The following FHIT variants were observed in gnomAD, a reference collection of about 807,000 sequenced individuals.
FHIT encodes the protein bis(5'-adenosyl)-triphosphatase.
In FHIT, 19 loss-of-function variants were observed where a neutral mutation model predicts 17.9. That is an observed-to-expected ratio of 1.06 (90% confidence interval 0.74 to 1.56). FHIT has a LOEUF of 1.56. Ranked by LOEUF, FHIT falls within the 40% of genes most tolerant of loss-of-function variation. The pLI is 0.00. For missense variants in FHIT, 248 were observed against 189.2 expected (o/e 1.31, Z -1.82); for synonymous variants, 81 against 69.7 (o/e 1.16, Z -0.81).
At chr3:61,015,616 C>T (rs926355298) in intron 3 of FHIT, among the ~76,000 whole-genome samples, 5 of 152,098 alleles carry the variant, frequency 3.3e-5, no homozygotes, top group Admixed American at 2.0e-4. Context: ...TTCAGATTAG[C>T]AATTTTATGC....
intron 4 of FHIT, among the ~76,000 whole-genome samples, chr3:60,722,704 A>C (rs2041833864): frequency 6.7e-6 from 1 of 148,432 alleles, no homozygotes. Flanking sequence ...TGTTACCTTA[A>C]ATCTTTTTTT....
chr3:60,073,055 C>T (rs558728098), intron 5 of FHIT, among the ~76,000 whole-genome samples: 1 of 152,188 alleles, frequency 6.6e-6, no homozygotes, highest in African/African-American at 2.4e-5. Context: ...AAGTTTGAAA[C>T]TAGGTCTTCT....
At chr3:60,108,136 C>T (rs914951266) in intron 5 of FHIT, among the ~76,000 whole-genome samples, 3 of 152,142 alleles carry the variant, frequency 2.0e-5, no homozygotes, top group East Asian at 1.9e-4. Context: ...TTGACTTTGA[C>T]CGTATGTGTC....
intron 5 of FHIT, among the ~76,000 whole-genome samples, chr3:60,065,741 T>C (rs1485589218): frequency 6.6e-6 from 1 of 152,160 alleles, no homozygotes; most frequent in Non-Finnish European, 1.5e-5. Flanking sequence ...CATTGCTCAT[T>C]CCTAACACCT....
At chr3:60,642,400 A>T in intron 4 of FHIT, among the ~76,000 whole-genome samples, 1 of 152,208 alleles carries the variant, frequency 6.6e-6, no homozygotes, top group East Asian at 1.9e-4. Context: ...GCAGATCCTT[A>T]ATTTAAATGG....
intron 3 of FHIT, among the ~76,000 whole-genome samples, chr3:60,880,588 T>TG (rs1704918727): frequency 6.6e-6 from 1 of 152,186 alleles, no homozygotes; most frequent in Non-Finnish European, 1.5e-5. Flanking sequence ...CAAAATTAGC[T>TG]GGGTGTGGTG....
At chr3:60,795,646 T>C (rs1700955084) in intron 4 of FHIT, among the ~76,000 whole-genome samples, 1 of 152,106 alleles carries the variant, frequency 6.6e-6, no homozygotes, top group East Asian at 1.9e-4. Flanking sequence ...TCTTGAGTAG[T>C]TGGGACTACT....
chr3:61,199,243 G>C (rs2038944961), intron 2 of FHIT, among the ~76,000 whole-genome samples: 1 of 152,144 alleles, frequency 6.6e-6, no homozygotes, highest in African/African-American at 2.4e-5. Context: ...CATTCCCCAA[G>C]AGGAAAGGAA....
intron 4 of FHIT, among the ~76,000 whole-genome samples, chr3:60,777,562 G>A (rs1700250251): frequency 6.6e-6 from 1 of 152,286 alleles, no homozygotes; most frequent in Non-Finnish European, 1.5e-5. Flanking sequence ...AGGGTGCCTG[G>A]CTCTTAGTTG....
intron 7 of FHIT, among the ~76,000 whole-genome samples, chr3:59,933,583 T>G (rs755576244): frequency 6.6e-6 from 1 of 152,118 alleles, no homozygotes; most frequent in East Asian, 1.9e-4. Context: ...TGATAGGATG[T>G]CAAGCGTAAT....
At chr3:60,918,752 A>C (rs1352372125) in intron 3 of FHIT, among the ~76,000 whole-genome samples, 1 of 152,222 alleles carries the variant, frequency 6.6e-6, no homozygotes, top group Non-Finnish European at 1.5e-5. Context: ...GACAAACCAA[A>C]GAATAATAAA....
At chr3:60,837,530 G>A (rs1417958636) in intron 3 of FHIT, among the ~76,000 whole-genome samples, 2 of 151,848 alleles carry the variant, frequency 1.3e-5, no homozygotes, top group Admixed American at 6.6e-5. Context: ...AATATAGTTG[G>A]GTCATATTTT....
intron 5 of FHIT, among the ~76,000 whole-genome samples, chr3:60,304,810 CTT>C (rs1310700882): frequency 1.3e-5 from 2 of 152,086 alleles, no homozygotes; most frequent in Non-Finnish European, 2.9e-5. Flanking sequence ...CAGTATCTAA[CTT>C]TATTAAGCAA....
At chr3:60,366,185 C>T (rs556938136) in intron 5 of FHIT, among the ~76,000 whole-genome samples, 27 of 152,264 alleles carry the variant, frequency 1.8e-4, no homozygotes, top group East Asian at 5.8e-4. Flanking sequence ...TCAGTCCCTC[C>T]GCCTTTTTGA....
intron 7 of FHIT, among the ~76,000 whole-genome samples, chr3:59,931,625 T>C (rs980990034): frequency 7.2e-5 from 11 of 151,954 alleles, no homozygotes; most frequent in South Asian, 2.1e-4. Context: ...GTTCAAAGTG[T>C]CCCAATCAAG....
At chr3:60,714,213 G>T (rs1401218819) in intron 4 of FHIT, among the ~76,000 whole-genome samples, 2 of 152,048 alleles carry the variant, frequency 1.3e-5, no homozygotes, top group Non-Finnish European at 2.9e-5. Context: ...TGCAGAAAAG[G>T]CCTTTGACAA....
chr3:59,919,897 G>T (rs113371876), intron 8 of FHIT, among the ~76,000 whole-genome samples: 1 of 152,098 alleles, frequency 6.6e-6, no homozygotes, highest in Non-Finnish European at 1.5e-5. Flanking sequence ...ATGCCTGTGC[G>T]GTACTGCATG....
At chr3:60,178,403 A>T (rs1296381324) in intron 5 of FHIT, among the ~76,000 whole-genome samples, 1 of 152,120 alleles carries the variant, frequency 6.6e-6, no homozygotes. Flanking sequence ...CCTGGCCAAC[A>T]TGGTGAACCC....
At chr3:60,824,385 T>C (rs1412200698) in intron 3 of FHIT, among the ~76,000 whole-genome samples, 1 of 152,194 alleles carries the variant, frequency 6.6e-6, no homozygotes, top group Non-Finnish European at 1.5e-5. Context: ...ACTGTACTGA[T>C]CATCTGAATA....
Sources: allele counts gnomAD v4.1 joint callset (sites outside exome capture counted in the v4.1 genomes callset), GRCh38; gene constraint gnomAD v4.1.1; transcripts MANE v1.5; gene names NCBI Gene and HGNC (gene_info 2026-07-23, HGNC 2026-07-21).